The following THSD7B variants were observed in gnomAD, a reference collection of about 807,000 sequenced individuals.
THSD7B encodes thrombospondin type 1 domain containing 7B.
A neutral mutation model predicts 213.6 loss-of-function variants in THSD7B; 138 were observed. The ratio of observed to expected loss-of-function variants is 0.65; its 90% CI spans 0.56 to 0.74. The LOEUF is 0.74. THSD7B is among the 30% of genes least tolerant of loss of function. THSD7B has a pLI of 0.00. For synonymous variants in THSD7B, 742 were observed against 687.0 expected (o/e 1.08, Z -1.25); for missense variants, 1,931 against 1,991.5 (o/e 0.97, Z 0.58).
chr2:136,905,225 C>G (rs982771795), intron 2 of THSD7B, among the ~76,000 whole-genome samples: 1 of 152,174 alleles, frequency 6.6e-6, no homozygotes, highest in East Asian at 1.9e-4. Flanking sequence ...CTACCCAACT[C>G]TACCTTCATT....
intron 15 of THSD7B, among the ~76,000 whole-genome samples, chr2:137,539,650 C>T (rs1558832021): frequency 6.6e-6 from 1 of 151,606 alleles, no homozygotes; most frequent in Non-Finnish European, 1.5e-5. Context: ...TATTTAACTT[C>T]CAAGATTGTT....
chr2:136,963,412 G>T (rs1028948878), intron 2 of THSD7B, among the ~76,000 whole-genome samples: 4 of 152,314 alleles, frequency 2.6e-5, no homozygotes, highest in Admixed American at 2.6e-4. Context: ...GGAGGCCGAG[G>T]GTGGGGAATT....
chr2:137,096,689 A>G (rs1402649769), intron 4 of THSD7B, among the ~76,000 whole-genome samples: 1 of 152,066 alleles, frequency 6.6e-6, no homozygotes, highest in Non-Finnish European at 1.5e-5. Context: ...AAATGGCATA[A>G]CTCTGAGATC....
At chr2:136,928,255 A>G (rs1351068300) in intron 2 of THSD7B, among the ~76,000 whole-genome samples, 1 of 152,214 alleles carries the variant, frequency 6.6e-6, no homozygotes, top group Non-Finnish European at 1.5e-5. Context: ...AGTGTTGAAT[A>G]TCTCATATAA....
At chr2:137,085,368 T>C (rs566565153) in intron 3 of THSD7B, among the ~76,000 whole-genome samples, 25 of 151,744 alleles carry the variant, frequency 1.6e-4, no homozygotes, top group Non-Finnish European at 3.1e-4. Flanking sequence ...ACAAAATAAA[T>C]AGAAATCAGG....
At chr2:137,384,440 G>C (rs1217146613) in intron 12 of THSD7B, among the ~76,000 whole-genome samples, 1 of 152,166 alleles carries the variant, frequency 6.6e-6, no homozygotes, top group Non-Finnish European at 1.5e-5. Context: ...GGAAGTCTCT[G>C]TTAGACAGAA....
intron 14 of THSD7B, among the ~76,000 whole-genome samples, chr2:137,423,337 C>T (rs1263203720): frequency 2.0e-5 from 3 of 151,902 alleles, no homozygotes; most frequent in Admixed American, 2.0e-4. Context: ...ATTGAAAATC[C>T]AGGAGTTAAA....
chr2:137,525,800 G>A (rs1215621534), intron 15 of THSD7B, among the ~76,000 whole-genome samples: 1 of 152,072 alleles, frequency 6.6e-6, no homozygotes, highest in Non-Finnish European at 1.5e-5. Flanking sequence ...AGTCAGAGGG[G>A]GCTGAATAGG....
intron 2 of THSD7B, among the ~76,000 whole-genome samples, chr2:136,918,758 G>C (rs1684386464): frequency 6.6e-6 from 1 of 152,214 alleles, no homozygotes; most frequent in Non-Finnish European, 1.5e-5. Flanking sequence ...GTGTTTTCCA[G>C]AAGTACAACT....
intron 1 of THSD7B, among the ~76,000 whole-genome samples, chr2:136,847,339 T>A (rs953433889): frequency 6.6e-6 from 1 of 152,206 alleles, no homozygotes; most frequent in African/African-American, 2.4e-5. Flanking sequence ...ATTTTAGTTT[T>A]ATCTAGAACA....
At chr2:137,162,490 A>G (rs1367618577) in intron 6 of THSD7B, among the ~76,000 whole-genome samples, 1 of 151,984 alleles carries the variant, frequency 6.6e-6, no homozygotes, top group Non-Finnish European at 1.5e-5. Flanking sequence ...AACTTCAAAG[A>G]CAGAGAATGG....
chr2:137,675,442 A>ATATATATATATATATG (rs1683678298), intron 27 of THSD7B, among the ~76,000 whole-genome samples: 1 of 105,122 alleles, frequency 9.5e-6, no homozygotes, highest in African/African-American at 3.5e-5. Flanking sequence ...ATATATATAT[A>ATATATATATATATATG]TATATGCGGA....
intron 10 of THSD7B, among the ~76,000 whole-genome samples, 163 bp downstream of exon 10, chr2:137,242,735 C>T (rs1681941050): frequency 6.6e-6 from 1 of 151,944 alleles, no homozygotes; most frequent in Middle Eastern, 3.4e-3. Flanking sequence ...TCTTGTATTT[C>T]CAAATCTATC....
At chr2:137,042,260 T>C (rs549941165) in intron 2 of THSD7B, among the ~76,000 whole-genome samples, 46 of 152,224 alleles carry the variant, frequency 3.0e-4, no homozygotes, top group Non-Finnish European at 5.6e-4. Context: ...AACCTGAACT[T>C]ATGAGATATG....
At chr2:137,576,977 A>G (rs1369235005) in intron 17 of THSD7B, among the ~76,000 whole-genome samples, 2 of 151,838 alleles carry the variant, frequency 1.3e-5, no homozygotes, top group East Asian at 3.9e-4. Context: ...CACTTCCTCA[A>G]CCTCACCTAA....
chr2:136,923,905 C>G (rs947881780), intron 2 of THSD7B, among the ~76,000 whole-genome samples: 1 of 152,118 alleles, frequency 6.6e-6, no homozygotes, highest in Non-Finnish European at 1.5e-5. Context: ...CTGCAGGTAA[C>G]TTTTTCACTC....
chr2:137,569,066 G>A (rs1179569337), intron 16 of THSD7B, among the ~76,000 whole-genome samples: 1 of 152,142 alleles, frequency 6.6e-6, no homozygotes, highest in Admixed American at 6.5e-5. Flanking sequence ...TAAGAGTGGA[G>A]GTAAGAAAGG....
At chr2:137,393,305 C>T (rs1301686709) in intron 12 of THSD7B, among the ~76,000 whole-genome samples, 2 of 151,694 alleles carry the variant, frequency 1.3e-5, no homozygotes, top group East Asian at 1.9e-4. Flanking sequence ...TGCTATCCCT[C>T]CCCCTTCCCA....
intron 1 of THSD7B, among the ~76,000 whole-genome samples, chr2:136,870,632 A>G (rs532403293): frequency 2.0e-5 from 3 of 152,326 alleles, no homozygotes; most frequent in African/African-American, 7.2e-5. Flanking sequence ...TTGCTGCACA[A>G]TGAAGTGAGG....
Sources: gnomAD v4.1 joint callset for allele counts (sites outside exome capture counted in the v4.1 genomes callset) on GRCh38, gnomAD v4.1.1 for gene constraint, MANE v1.5 for transcripts, NCBI Gene and HGNC (gene_info 2026-07-23, HGNC 2026-07-21) for gene names.